Variants in LAMA2 observed in about 807,000 individuals in gnomAD.
The protein encoded by LAMA2 is laminin subunit alpha-2.
In LAMA2, 269 loss-of-function variants were observed where a neutral mutation model predicts 364.8. The ratio of observed to expected loss-of-function variants is 0.74; its 90% confidence interval spans 0.67 to 0.82. LAMA2 has a LOEUF of 0.82. LAMA2 is among the 40% of genes least tolerant of loss of function. The probability of loss-of-function intolerance (pLI) is 0.00; values close to 1 mark genes in which losing one functional copy is unlikely to be tolerated. For missense variants in LAMA2, 3,807 were observed against 3,873.2 expected, an observed-to-expected ratio of 0.98 and a Z score of 0.45; for synonymous variants, 1,379 against 1,370.6, an observed-to-expected ratio of 1.01 and a Z score of -0.14.
intron 28 of LAMA2, among the ~76,000 whole-genome samples, chr6:129,325,996 C>T (rs1388682880): frequency 2.6e-5 from 4 of 152,182 alleles, no homozygotes; most frequent in Middle Eastern, 3.4e-3. Flanking sequence ...CGCATCACCA[C>T]GCCTGGCTAA....
chr6:129,313,225 A>G, intron 23 of LAMA2, 128 bp downstream of exon 23: 1 of 623,358 alleles, frequency 1.6e-6, no homozygotes, highest in Non-Finnish European at 2.8e-6. Context: ...ACAAAATCTC[A>G]TTGCCAGACA....
At chr6:129,229,470 T>C (rs265333) in intron 12 of LAMA2, among the ~76,000 whole-genome samples, 140,662 of 152,186 alleles carry the variant, frequency 0.92, 65,441 homozygotes, top group Non-Finnish European at 0.97. Context: ...ATATCGTAGG[T>C]CTTTGGCACA....
chr6:128,930,039 C>A, intron 1 of LAMA2: 1 of 415,872 alleles, frequency 2.4e-6, no homozygotes, highest in South Asian at 2.7e-5. Flanking sequence ...CACGGGGCGC[C>A]GTGGCGCCCG....
intron 12 of LAMA2, among the ~76,000 whole-genome samples, chr6:129,202,288 G>T (rs1467892173): frequency 6.6e-6 from 1 of 151,824 alleles, no homozygotes; most frequent in African/African-American, 2.4e-5. Flanking sequence ...TATATGCTAT[G>T]GTCCAAATGT....
At chr6:128,980,798 AACT>A (rs1236479447) in intron 1 of LAMA2, among the ~76,000 whole-genome samples, 7 of 152,268 alleles carry the variant, frequency 4.6e-5, no homozygotes, top group East Asian at 3.9e-4. Context: ...GCTTCTTGAG[AACT>A]ACTATCAACA....
chr6:128,933,666 A>G (rs891516850), intron 1 of LAMA2, among the ~76,000 whole-genome samples: 1 of 152,200 alleles, frequency 6.6e-6, no homozygotes, highest in African/African-American at 2.4e-5. Flanking sequence ...TATTTCCCTG[A>G]TGATTAATGA....
intron 12 of LAMA2, among the ~76,000 whole-genome samples, chr6:129,227,100 C>T (rs1057385628): frequency 1.3e-5 from 2 of 152,156 alleles, no homozygotes; most frequent in Admixed American, 1.3e-4. Context: ...ATCACTGATA[C>T]CCTTTCTTCC....
At chr6:129,221,543 TATC>T (rs1783855988) in intron 12 of LAMA2, among the ~76,000 whole-genome samples, 1 of 152,128 alleles carries the variant, frequency 6.6e-6, no homozygotes. Context: ...TCAGTATCAT[TATC>T]AAAGAGATAA....
intron 18 of LAMA2, among the ~76,000 whole-genome samples, chr6:129,285,268 A>G (rs1789026109): frequency 1.3e-5 from 2 of 152,212 alleles, no homozygotes; most frequent in Admixed American, 6.5e-5. Context: ...CCCATACACC[A>G]GTAATGTGCT....
At chr6:129,010,209 T>C (rs1309129909) in intron 1 of LAMA2, among the ~76,000 whole-genome samples, 1 of 152,180 alleles carries the variant, frequency 6.6e-6, no homozygotes, top group African/African-American at 2.4e-5. Context: ...TGCATATATC[T>C]TGGGACAGAC....
chr6:129,488,018 T>C (rs1474150749), intron 56 of LAMA2, among the ~76,000 whole-genome samples: 2 of 152,132 alleles, frequency 1.3e-5, no homozygotes, highest in Non-Finnish European at 2.9e-5. Flanking sequence ...TTTTAAAAGA[T>C]TTAAACTTTA....
intron 4 of LAMA2, among the ~76,000 whole-genome samples, chr6:129,140,796 C>T (rs776383930): frequency 3.4e-4 from 52 of 152,050 alleles, no homozygotes; most frequent in Non-Finnish European, 6.8e-4. Flanking sequence ...CGCCAAACAG[C>T]TGGCTTGTTT....
chr6:129,048,440 T>TTTTC lies in LAMA2; in HGVS notation c.113-1425_113-1422dup, dbSNP rs1271730400. Among the ~76,000 whole-genome samples, 935 of 103,948 alleles carry TTTTC rather than the reference T, an allele frequency of 9.0e-3. 50 individuals carry two copies. Among genetic ancestry groups the TTTTC allele is most frequent in the Middle Eastern group, 0.015 (3 of 202 alleles). 68.2% of individuals were successfully genotyped at this position (103,948 alleles called of 152,430 possible). ...TTTAGTCAGGAAGGTTTCTTTTTTC[T>TTTTC]TTTCTTTCTTTCTTTCTTTCTTTCT... is the stretch of plus-strand genomic sequence containing the variant. On this transcript the variant is annotated intron_variant, in intron 1 of 64. Coordinates refer to ENST00000421865, the MANE Select transcript of LAMA2 (RefSeq NM_000426.4).
chr6:129,258,115 A>C (rs563736828), intron 14 of LAMA2, among the ~76,000 whole-genome samples: 3 of 152,180 alleles, frequency 2.0e-5, no homozygotes, highest in African/African-American at 2.4e-5. Context: ...ATCATCCTGC[A>C]TATATAGATG....
At chr6:129,502,974 T>A in intron 59 of LAMA2, 117 bp from the exon 60 acceptor site, 1 of 1,040,900 alleles carries the variant, frequency 9.6e-7, no homozygotes, top group Non-Finnish European at 1.5e-6. Flanking sequence ...AAAGTCCTCA[T>A]CTCTGAGAAG....
At chr6:129,383,823 T>C (rs1778830897) in intron 35 of LAMA2, among the ~76,000 whole-genome samples, 1 of 152,196 alleles carries the variant, frequency 6.6e-6, no homozygotes, top group Admixed American at 6.5e-5. Flanking sequence ...AGAATACAGA[T>C]AATGCCCCAT....
At chr6:129,334,608 T>C (rs2114549147) in intron 29 of LAMA2, among the ~76,000 whole-genome samples, 2 of 152,336 alleles carry the variant, frequency 1.3e-5, no homozygotes, top group South Asian at 4.1e-4. Context: ...TCTTACTGTC[T>C]CAGTCCATTT....
At chr6:128,931,734 TCTGA>T (rs1376315112) in intron 1 of LAMA2, among the ~76,000 whole-genome samples, 2 of 152,222 alleles carry the variant, frequency 1.3e-5, no homozygotes, top group Non-Finnish European at 2.9e-5. Flanking sequence ...TACTCTTTTC[TCTGA>T]CTAATTTTAT....
intron 8 of LAMA2, among the ~76,000 whole-genome samples, chr6:129,156,254 A>G (rs1779106896): frequency 6.6e-6 from 1 of 151,776 alleles, no homozygotes; most frequent in Non-Finnish European, 1.5e-5. Context: ...ATTAAACTTT[A>G]AAAGCAAACA....
Sources: allele counts gnomAD v4.1 joint callset (sites outside exome capture counted in the v4.1 genomes callset), GRCh38; gene constraint gnomAD v4.1.1; transcripts MANE v1.5; gene names NCBI Gene and HGNC (gene_info 2026-07-23, HGNC 2026-07-21).